The following USF3 variants were observed in gnomAD, a reference collection of about 807,000 sequenced individuals.
USF3 encodes the protein upstream transcription factor family member 3, also known as basic helix-loop-helix domain-containing protein USF3.
Under a neutral mutation model 157.5 loss-of-function variants are expected in USF3, and 29 were observed. That is an observed-to-expected ratio of 0.18 (90% confidence interval 0.14 to 0.25). The LOEUF (loss-of-function observed/expected upper bound fraction) is 0.25, where lower values mean the gene tolerates loss of function less well. USF3 is among the 10% of genes least tolerant of loss of function. The pLI, the probability that USF3 is intolerant of heterozygous loss-of-function variation, is 1.00. For missense variants in USF3, 2,381 were observed against 2,667.6 expected, an observed-to-expected ratio of 0.89 and a Z score of 2.37; for synonymous variants, 893 against 941.4, an observed-to-expected ratio of 0.95 and a Z score of 0.94.
chr3:113,663,698 A>G (rs559738328), intron 6 of USF3, among the ~76,000 whole-genome samples: 1 of 152,294 alleles, frequency 6.6e-6, no homozygotes, highest in East Asian at 1.9e-4. Context: ...AAACTGGCCT[A>G]CCCTGAGCTT....
chr3:113,685,730 C>T lies in USF3; in HGVS notation c.-134-8333G>A, dbSNP rs142852536. Among the ~76,000 whole-genome samples the T allele has an allele frequency of 3.9e-4, 60 of 152,258 alleles. 1 individual carries two copies. The Middle Eastern group carries it at 0.01, about 26-fold the overall frequency. On this transcript the variant is annotated intron_variant, in intron 1 of 6. Coordinates refer to ENST00000316407, the MANE Select transcript of USF3 (RefSeq NM_001009899.4). ...GGCTACTGCTGATGTTTATTCAAAACCCAATGGCTCTTTGGTCAGCAGGTG... is the reference window on the plus strand; with the variant it reads ...GGCTACTGCTGATGTTTATTCAAAATCCAATGGCTCTTTGGTCAGCAGGTG...
At position 113,674,467 on chromosome 3, in the gene USF3, C is replaced by T. The variant is rs142282991; in HGVS notation, c.47+365G>A. 4.0e-3 allele frequency among the ~76,000 whole-genome samples: 611 copies of T among 152,144 alleles called. 4 individuals are homozygous for T. Among genetic ancestry groups the T allele is most frequent in the African/African-American group, 0.014 (564 of 41,506 alleles). Reference sequence around the variant, plus strand: ...AAGCAATTCTCCTGCCTCAGCCTCCCGAGTAGCTGGAACTACAGGTACATG... The same window carrying T: ...AAGCAATTCTCCTGCCTCAGCCTCCTGAGTAGCTGGAACTACAGGTACATG... On this transcript the variant is annotated intron_variant, in intron 3 of 6. Coordinates refer to ENST00000316407, the MANE Select transcript of USF3 (RefSeq NM_001009899.4).
At chr3:113,676,979 C>T (rs761648299) in intron 2 of USF3, among the ~76,000 whole-genome samples, 1 of 152,116 alleles carries the variant, frequency 6.6e-6, no homozygotes, top group Non-Finnish European at 1.5e-5. Context: ...TAAATGTTAG[C>T]TTTAAATGTT....
Position 113,658,617 on chromosome 3 carries a change from A to G in USF3, c.3065T>C (p.Leu1022Pro). Residue 1022 changes from leucine (L) to proline (P), a missense_variant, in exon 7 of 7, where the codon CTT becomes CCT. By Grantham distance (98) the Leu-to-Pro change is moderately conservative (BLOSUM62 -3). This residue lies in a region of USF3 where 1,435 missense variants were observed against 1,550.9 expected (regional missense o/e 0.93). Coordinates refer to ENST00000316407, the MANE Select transcript of USF3 (RefSeq NM_001009899.4). Reference protein sequence around the residue: ...AKKKNPQKSSLSDQMDHPDFS... With the variant: ...AKKKNPQKSSPSDQMDHPDFS... ...GTCAGGATGATCCATCTGATCAGAA[A>G]GAGATGATTTCTGAGGGTTTTTTTT... The G allele has an allele frequency of 1.9e-6, 3 of 1,613,882 alleles. No homozygotes were observed. The highest frequency in any genetic ancestry group is 2.5e-6 in the Non-Finnish European group (3 of 1,179,912).
At position 113,658,857 on chromosome 3, in the gene USF3, T is replaced by C. The variant is rs771886070; in HGVS notation, c.2825A>G (p.Asn942Ser). 38 of 1,614,206 alleles carry C rather than the reference T, an allele frequency of 2.4e-5. No individual in the cohort carries two copies. The highest frequency in any genetic ancestry group is 3.2e-5 in the Non-Finnish European group (38 of 1,180,032). ...ATCACTTGGAGATGGAATCAATACA[T>C]TGGCTGAAGCGCAGGGTTTGGCAGC... ...SDAAKPCASA[N>S]VLIPSPSDPH... Residue 942 changes from asparagine to serine, a missense_variant, in exon 7 of 7, where the codon AAT becomes AGT. Asn to Ser is a conservative substitution (Grantham distance 46). This residue lies in a region of USF3 where 1,435 missense variants were observed against 1,550.9 expected (regional missense o/e 0.93). Coordinates refer to ENST00000316407, the MANE Select transcript of USF3 (RefSeq NM_001009899.4).
At chr3:113,663,088 T>C (rs1183431256) in intron 6 of USF3, among the ~76,000 whole-genome samples, 1 of 148,994 alleles carries the variant, frequency 6.7e-6, no homozygotes. Context: ...AAGAAGCCAC[T>C]GAGAGAAAAA....
chr3:113,683,000 T>A (rs1707469145), intron 1 of USF3, among the ~76,000 whole-genome samples: 1 of 151,708 alleles, frequency 6.6e-6, no homozygotes, highest in Non-Finnish European at 1.5e-5. Flanking sequence ...AAAAACTTAC[T>A]CCCACCATTT....
intron 1 of USF3, among the ~76,000 whole-genome samples, chr3:113,691,410 G>A (rs1193096897): frequency 6.6e-6 from 1 of 152,112 alleles, no homozygotes; most frequent in East Asian, 1.9e-4. Context: ...CTTAAACCAA[G>A]CTCAACAAAA....
At position 113,674,871 on chromosome 3, in the gene USF3, T is replaced by C; in HGVS notation, c.8A>G (p.Glu3Gly). 1 of 1,613,058 alleles carries C rather than the reference T, an allele frequency of 6.2e-7. No homozygotes were observed. Among genetic ancestry groups the C allele is most frequent in the South Asian group, 1.1e-5 (1 of 91,072 alleles). ...TGTAGGCGTCTCATTCTCTGTCATT[T>C]CTGGCATGGTTACAGTAATAGGAAC... Reference protein sequence around the residue: MPEMTENETPTKK... With the variant: MPGMTENETPTKK... Residue 3 changes from glutamate (E) to glycine (G), a missense_variant, in exon 3 of 7, where the codon GAA (glutamate) becomes GGA (glycine). Transcript: ENST00000316407.
chr3:113,661,011 G>A lies in USF3; in HGVS notation c.671C>T (p.Pro224Leu). The change falls in exon 7 of 7, where the codon CCT becomes CTT. Residue 224 changes from proline to leucine, a missense_variant. Around this residue, in one of 6 missense-constraint regions of USF3, gnomAD observed 1,435 missense variants for 1,550.9 expected, o/e 0.93. Transcript: ENST00000316407. ...VPALATNQPV[P>L]LCLPAAISAQ... ...AGAAATGGCAGCAGGAAGACAAAGA[G>A]GAACAGGCTGGTTGGTAGCCAATGC... 6.2e-7 allele frequency: 1 copy of A among 1,614,166 alleles called. No homozygotes were observed. Among genetic ancestry groups the A allele is most frequent in the Non-Finnish European group, 8.5e-7 (1 of 1,180,028 alleles).
intron 2 of USF3, among the ~76,000 whole-genome samples, chr3:113,675,259 T>C (rs1707253183): frequency 2.0e-5 from 3 of 152,180 alleles, no homozygotes; most frequent in Admixed American, 2.0e-4. Flanking sequence ...GTATGCTATT[T>C]GTTCATGTGA....
chr3:113,666,371 CCT>C, intron 5 of USF3, among the ~76,000 whole-genome samples: 2 of 147,832 alleles, frequency 1.4e-5, no homozygotes, highest in East Asian at 4.0e-4. Flanking sequence ...CCTGCCTCTG[CCT>C]CTCAAGTAGC....
rs56003131 is a variant in USF3, at chr3:113,652,109, G to GAA, written c.*2834_*2835insTT. ...GGAGAGAGAGAGAGAGAGAGAGAGA[G>GAA]TGTGTGTGTGTGTGTGTGTGTGTGT... On this transcript the variant is annotated 3_prime_UTR_variant, in exon 7 of 7. Transcript: ENST00000316407. 1 of 66,128 alleles carries GAA rather than the reference G, an allele frequency of 1.5e-5. No homozygotes were observed. The allele number at this position is 66,128 out of a possible 1,614,324, so 4.1% of individuals were successfully genotyped here.
rs1947325611 is a variant in USF3 at position 113,654,932 on chromosome 3, G to A, written c.*12C>T. 1 of 1,596,002 alleles carries A rather than the reference G, an allele frequency of 6.3e-7. No homozygotes were observed. The highest frequency in any genetic ancestry group is 8.5e-7 in the Non-Finnish European group (1 of 1,169,708). On this transcript the variant is annotated 3_prime_UTR_variant, in exon 7 of 7. Transcript: ENST00000316407. ...ATCTCACTCATTACCTTTACATTTT[G>A]TTTATCAGTATTTAAACAGCTGAAC... is the stretch of plus-strand genomic sequence containing the variant.
rs1947223763 is a variant in USF3, at chr3:113,649,503, T to TTTTTTTG, written c.*5434_*5440dup. On this transcript the variant is annotated 3_prime_UTR_variant, in exon 7 of 7. Transcript: ENST00000316407. The stretch of plus-strand genomic sequence containing the variant: ...TAACAGGAGTTTTGCTACTAGGTTT[T>TTTTTTTG]TTTTTTGTTTTTTGTTTTTTTTTAC... 4.1e-6 allele frequency: 1 copy of TTTTTTTG among 245,680 alleles called. No homozygotes were observed. Among genetic ancestry groups the TTTTTTTG allele is most frequent in the Non-Finnish European group, 7.7e-6 (1 of 129,580 alleles). The allele number at this position is 245,680 out of a possible 1,614,324, so 15.2% of individuals were successfully genotyped here.
intron 5 of USF3, among the ~76,000 whole-genome samples, chr3:113,668,285 G>A (rs755319358): frequency 1.3e-5 from 2 of 152,062 alleles, no homozygotes; most frequent in African/African-American, 4.8e-5. Flanking sequence ...GGTCCTAAGT[G>A]GAAACAGCGG....
At position 113,660,207 on chromosome 3, in the gene USF3, T is replaced by A. The variant is rs1947456779; in HGVS notation, c.1475A>T (p.Glu492Val). The change falls in exon 7 of 7, where the codon GAG becomes GTG. Residue 492 changes from glutamate (E) to valine (V), a missense_variant. This residue lies in a region of USF3 where 1,435 missense variants were observed against 1,550.9 expected (regional missense o/e 0.93). Transcript: ENST00000316407. ...AGAAGGCAATGTTACAACTACTTGC[T>A]CAACTGGCTGCCCATCTGCTGGAAA... Reference protein sequence around the residue: ...NSFPADGQPVEQVVVTLPSCP... With the variant: ...NSFPADGQPVVQVVVTLPSCP... 6.2e-7 allele frequency: 1 copy of A among 1,614,060 alleles called. No homozygotes were observed. Among genetic ancestry groups the A allele is most frequent in the Non-Finnish European group, 8.5e-7 (1 of 1,180,042 alleles).
chr3:113,664,629 T>A (rs537183708), intron 5 of USF3, among the ~76,000 whole-genome samples: 1 of 152,150 alleles, frequency 6.6e-6, no homozygotes, highest in African/African-American at 2.4e-5. Context: ...ACTGGGGATA[T>A]AATAGTAAAA....
chr3:113,665,628 C>T (rs1049849261), intron 5 of USF3, among the ~76,000 whole-genome samples: 5 of 151,176 alleles, frequency 3.3e-5, no homozygotes, highest in Non-Finnish European at 7.4e-5. Flanking sequence ...GAATTTGAGA[C>T]CAGCCTGGCC....
Sources: gnomAD v4.1 joint callset for allele counts (sites outside exome capture counted in the v4.1 genomes callset) on GRCh38, gnomAD v4.1.1 for gene constraint, gnomAD v4.1.1 regional missense constraint, MANE v1.5 for transcripts, NCBI Gene and HGNC (gene_info 2026-07-23, HGNC 2026-07-21) for gene names.